Variants in DPP10 observed in about 807,000 individuals in gnomAD.
DPP10 encodes inactive dipeptidyl peptidase 10.
A neutral mutation model predicts 120.9 loss-of-function variants in DPP10; 33 were observed. That is an observed-to-expected ratio of 0.27 (90% CI 0.21 to 0.37). The LOEUF is 0.37. Ranked by LOEUF, DPP10 falls within the 10% of genes least tolerant of loss-of-function variation. DPP10 has a pLI of 1.00. For synonymous variants in DPP10, 337 were observed against 326.1 expected (o/e 1.03, Z -0.36); for missense variants, 816 against 942.8 (o/e 0.87, Z 1.76).
chr2:115,271,543 A>G (rs2059701274), intron 1 of DPP10, among the ~76,000 whole-genome samples: 1 of 152,154 alleles, frequency 6.6e-6, no homozygotes, highest in African/African-American at 2.4e-5. Flanking sequence ...CTTCAAACTT[A>G]CACAGAAAGA....
chr2:114,539,661 T>C (rs1686800025), intron 1 of DPP10, among the ~76,000 whole-genome samples: 1 of 152,212 alleles, frequency 6.6e-6, no homozygotes, highest in Non-Finnish European at 1.5e-5. Flanking sequence ...GTAGAGAGCA[T>C]GGGTATTTTG....
At chr2:114,836,614 C>T (rs1687759679) in intron 1 of DPP10, among the ~76,000 whole-genome samples, 1 of 152,146 alleles carries the variant, frequency 6.6e-6, no homozygotes, top group Non-Finnish European at 1.5e-5. Flanking sequence ...ATTTAAATTG[C>T]TAATGAAGTT....
At chr2:115,743,952 A>C (rs1677620970) in intron 9 of DPP10, among the ~76,000 whole-genome samples, 1 of 150,630 alleles carries the variant, frequency 6.6e-6, no homozygotes, top group Non-Finnish European at 1.5e-5. Context: ...TCAGTAGCTT[A>C]AGAAGCCCCT....
rs557865435 is a variant in DPP10, at chr2:114,581,592, C to G, written c.60+138754C>G. ...AGAAGCCAGGTTTTTCTGTGTTAAG[C>G]AAATTCATGTTGGCATTTTTGTTGG... is the stretch of plus-strand genomic sequence containing the variant. On this transcript the variant is annotated intron_variant, in intron 1 of 25. Coordinates refer to ENST00000410059, the MANE Select transcript of DPP10 (RefSeq NM_020868.6). 2.6e-4 allele frequency among the ~76,000 whole-genome samples: 40 copies of G among 152,270 alleles called. 1 individual carries two copies. The highest frequency in any genetic ancestry group is 8.9e-4 in the African/African-American group (37 of 41,558).
chr2:114,764,066 G>A (rs1026516608), intron 1 of DPP10, among the ~76,000 whole-genome samples: 1 of 152,146 alleles, frequency 6.6e-6, no homozygotes, highest in Admixed American at 6.6e-5. Context: ...AGGATCAAAA[G>A]CTTGCTCTCT....
At chr2:115,269,450 G>A (rs1166695986) in intron 1 of DPP10, among the ~76,000 whole-genome samples, 4 of 152,066 alleles carry the variant, frequency 2.6e-5, no homozygotes, top group East Asian at 1.9e-4. Flanking sequence ...CTAAAATGAG[G>A]TTCCAGTTAA....
chr2:115,820,875 A>C (rs1687752397), intron 21 of DPP10, among the ~76,000 whole-genome samples: 1 of 150,410 alleles, frequency 6.6e-6, no homozygotes, highest in African/African-American at 2.4e-5. Context: ...ATTGATGGGC[A>C]TGTGGGCTGC....
intron 1 of DPP10, among the ~76,000 whole-genome samples, chr2:114,524,079 A>C (rs781603067): frequency 6.6e-6 from 1 of 152,214 alleles, no homozygotes; most frequent in Non-Finnish European, 1.5e-5. Flanking sequence ...AATTGTACCC[A>C]TTGTCTGTTG....
chr2:114,773,631 T>A (rs1324470114), intron 1 of DPP10, among the ~76,000 whole-genome samples: 1 of 152,232 alleles, frequency 6.6e-6, no homozygotes, highest in Non-Finnish European at 1.5e-5. Context: ...AGGTATTATA[T>A]AAAACCAAAG....
At chr2:114,697,199 CAGATAT>C (rs1160773774) in intron 1 of DPP10, among the ~76,000 whole-genome samples, 3 of 151,916 alleles carry the variant, frequency 2.0e-5, no homozygotes, top group South Asian at 2.1e-4. Context: ...GAAAAGTTAC[CAGATAT>C]AGCTTTTTGA....
chr2:115,729,993 A>G (rs1158515093), intron 8 of DPP10, among the ~76,000 whole-genome samples: 3 of 152,204 alleles, frequency 2.0e-5, no homozygotes, highest in Non-Finnish European at 2.9e-5. Context: ...AAAGGAAGGT[A>G]GCAAGAAGCG....
intron 1 of DPP10, among the ~76,000 whole-genome samples, chr2:114,644,474 C>T (rs368448727): frequency 1.3e-5 from 2 of 151,736 alleles, no homozygotes; most frequent in Non-Finnish European, 2.9e-5. Flanking sequence ...TTGATTATTA[C>T]ACTTTATAAT....
intron 1 of DPP10, among the ~76,000 whole-genome samples, chr2:114,475,476 T>C (rs766500049): frequency 1.9e-4 from 29 of 152,124 alleles, no homozygotes; most frequent in Non-Finnish European, 3.1e-4. Context: ...GTTTTCTCTC[T>C]CTCTCTGCCC....
chr2:115,148,194 A>C (rs1573785365), intron 1 of DPP10, among the ~76,000 whole-genome samples: 1 of 152,206 alleles, frequency 6.6e-6, no homozygotes, highest in Non-Finnish European at 1.5e-5. Context: ...TTAGTTCTGC[A>C]ATCAATAAGA....
chr2:115,574,226 A>T (rs148326341), intron 5 of DPP10, among the ~76,000 whole-genome samples: 1 of 152,288 alleles, frequency 6.6e-6, no homozygotes, highest in African/African-American at 2.4e-5. Context: ...CCCTCTCAGT[A>T]TAGTCATATC....
chr2:115,556,364 G>GTTT lies in DPP10; in HGVS notation c.441+30408_441+30410dup, dbSNP rs34615187. Among the ~76,000 whole-genome samples the GTTT allele has an allele frequency of 3.6e-3, 459 of 128,638 alleles. 2 individuals are homozygous for GTTT. Among genetic ancestry groups the GTTT allele is most frequent in the African/African-American group, 0.011 (396 of 34,622 alleles). The allele number at this position is 128,638 out of a possible 152,430, so 84.4% of individuals were successfully genotyped here. On this transcript the variant is annotated intron_variant, in intron 5 of 25. Coordinates refer to ENST00000410059, the MANE Select transcript of DPP10 (RefSeq NM_020868.6). The stretch of plus-strand genomic sequence containing the variant: ...ACGTTGTGAGATTTTTTTTTGGCAG[G>GTTT]TTTTTTTTTTTTTTTTTTCTCATCA...
chr2:115,088,601 C>A (rs1406356450), intron 1 of DPP10, among the ~76,000 whole-genome samples: 1 of 151,496 alleles, frequency 6.6e-6, no homozygotes, highest in African/African-American at 2.4e-5. Context: ...CATCACCATG[C>A]CTGATTGATT....
chr2:114,610,967 A>G (rs1353545801), intron 1 of DPP10, among the ~76,000 whole-genome samples: 1 of 152,032 alleles, frequency 6.6e-6, no homozygotes, highest in Non-Finnish European at 1.5e-5. Flanking sequence ...TCTGCCATTC[A>G]GCACTGAGTG....
intron 1 of DPP10, among the ~76,000 whole-genome samples, chr2:114,911,242 T>TAA (rs1302827905): frequency 6.6e-6 from 1 of 152,174 alleles, no homozygotes; most frequent in East Asian, 1.9e-4. Context: ...TGAGTATTCT[T>TAA]ACGGTATCAA....
Sources: allele counts gnomAD v4.1 joint callset (sites outside exome capture counted in the v4.1 genomes callset), GRCh38; gene constraint gnomAD v4.1.1; transcripts MANE v1.5; gene names NCBI Gene and HGNC (gene_info 2026-07-23, HGNC 2026-07-21).